SYN3: variants seen among roughly 807,000 people sequenced by gnomAD.
The protein encoded by SYN3 is synapsin III.
A neutral mutation model predicts 65.8 loss-of-function variants in SYN3; 35 were observed. That is an observed-to-expected ratio of 0.53 (90% CI 0.41 to 0.70). SYN3 has a LOEUF of 0.70. SYN3 is among the 30% of genes least tolerant of loss of function. SYN3 has a pLI of 0.00. For synonymous variants in SYN3, 270 were observed against 292.9 expected (o/e 0.92, Z 0.80); for missense variants, 680 against 749.0 (o/e 0.91, Z 1.08).
At chr22:32,758,522 G>A (rs1377841911) in intron 6 of SYN3, among the ~76,000 whole-genome samples, 1 of 150,322 alleles carries the variant, frequency 6.7e-6, no homozygotes, top group Non-Finnish European at 1.5e-5. Context: ...TAGCCTCCCA[G>A]CCTACATCTT....
chr22:32,727,862 T>C (rs1023270350), intron 6 of SYN3, among the ~76,000 whole-genome samples: 1 of 152,220 alleles, frequency 6.6e-6, no homozygotes, highest in Admixed American at 6.5e-5. Flanking sequence ...AAGTATCTTA[T>C]AAATACTAGA....
intron 4 of SYN3, among the ~76,000 whole-genome samples, chr22:32,889,719 A>T (rs2049390799): frequency 6.6e-6 from 1 of 152,106 alleles, no homozygotes; most frequent in Non-Finnish European, 1.5e-5. Context: ...ATAAACTTTT[A>T]GATCTTTTTA....
chr22:33,034,467 T>C (rs2053816323), intron 1 of SYN3, among the ~76,000 whole-genome samples: 1 of 151,898 alleles, frequency 6.6e-6, no homozygotes, highest in East Asian at 2.0e-4. Context: ...AGGTTGGTCT[T>C]AAACTCCTGA....
rs202198841 is a variant in SYN3 at position 32,596,647 on chromosome 22, T to G, written c.774+27A>C. The G allele has an allele frequency of 3.8e-3, 6,152 of 1,612,902 alleles. 17 individuals carry two copies. The highest frequency in any genetic ancestry group is 0.01 in the Middle Eastern group (61 of 5,996). ...CTGGGGAATCTCTGGGTGTGTCCAC[T>G]GTGAGTGGAAGGGCTGTTTCTCATA... On this transcript the variant is annotated intron_variant, in intron 7 of 13. Transcript: ENST00000358763.
intron 4 of SYN3, among the ~76,000 whole-genome samples, chr22:32,905,835 C>G (rs1415504200): frequency 6.6e-6 from 1 of 152,218 alleles, no homozygotes; most frequent in African/African-American, 2.4e-5. Context: ...ACTGGCACCC[C>G]CTCTAAGGGT....
intron 6 of SYN3, among the ~76,000 whole-genome samples, chr22:32,646,523 G>A (rs1014008834): frequency 3.3e-5 from 5 of 152,150 alleles, no homozygotes; most frequent in African/African-American, 4.8e-5. Context: ...TTAAACATCC[G>A]GCTAGCGCTT....
At chr22:32,973,892 G>A (rs990250038) in intron 3 of SYN3, among the ~76,000 whole-genome samples, 4 of 152,202 alleles carry the variant, frequency 2.6e-5, no homozygotes, top group South Asian at 2.1e-4. Context: ...GGGTTCAAGC[G>A]ATTCTCCTGC....
At chr22:32,575,054 C>T (rs1254779953) in intron 7 of SYN3, among the ~76,000 whole-genome samples, 2 of 152,186 alleles carry the variant, frequency 1.3e-5, no homozygotes, top group Admixed American at 6.5e-5. Flanking sequence ...CCTCTTTTGA[C>T]CTAAGCGGGT....
At chr22:32,810,628 C>T (rs1055624492) in intron 6 of SYN3, among the ~76,000 whole-genome samples, 1 of 152,128 alleles carries the variant, frequency 6.6e-6, no homozygotes. Flanking sequence ...GTAATTATCC[C>T]CTCTGCCTCT....
At chr22:32,540,824 G>A (rs1271245623) in intron 8 of SYN3, among the ~76,000 whole-genome samples, 2 of 152,148 alleles carry the variant, frequency 1.3e-5, no homozygotes, top group Non-Finnish European at 2.9e-5. Flanking sequence ...GGACTAATCA[G>A]TACTTTTTCC....
intron 6 of SYN3, among the ~76,000 whole-genome samples, chr22:32,761,097 G>C (rs1203507071): frequency 6.6e-6 from 1 of 152,198 alleles, no homozygotes; most frequent in African/African-American, 2.4e-5. Flanking sequence ...AGGGCTGGGA[G>C]GTGGAGAGTT....
At chr22:32,532,194 C>T (rs542018973) in intron 10 of SYN3, among the ~76,000 whole-genome samples, 5 of 152,398 alleles carry the variant, frequency 3.3e-5, no homozygotes, top group Admixed American at 6.5e-5. Context: ...CCTGGAGCAG[C>T]GGCTCAGTGA....
At chr22:33,036,678 C>CTTTTTTTTT (rs133977) in intron 1 of SYN3, among the ~76,000 whole-genome samples, 3 of 99,538 alleles carry the variant, frequency 3.0e-5, no homozygotes, top group African/African-American at 1.4e-4. Context: ...AGCCCAAGTT[C>CTTTTTTTTT]TTTTTTTTTT....
chr22:32,621,883 T>C (rs9609603), intron 6 of SYN3, among the ~76,000 whole-genome samples: 68,499 of 151,808 alleles, frequency 0.45, 16,847 homozygotes, highest in African/African-American at 0.65. Flanking sequence ...GCAGGCCTCC[T>C]GACTCAGATC....
chr22:32,598,927 AT>A (rs1248819233), intron 6 of SYN3, among the ~76,000 whole-genome samples: 3 of 152,184 alleles, frequency 2.0e-5, no homozygotes, highest in Non-Finnish European at 4.4e-5. Context: ...ACTTTGCAAA[AT>A]ATGATAAGAT....
intron 6 of SYN3, among the ~76,000 whole-genome samples, chr22:32,647,022 T>C (rs1439980049): frequency 6.6e-6 from 1 of 152,204 alleles, no homozygotes; most frequent in Non-Finnish European, 1.5e-5. Flanking sequence ...TCTCTTGAAC[T>C]TGAGTCAGCT....
intron 7 of SYN3, among the ~76,000 whole-genome samples, chr22:32,551,636 T>C (rs2058416836): frequency 6.6e-6 from 1 of 152,072 alleles, no homozygotes; most frequent in African/African-American, 2.4e-5. Flanking sequence ...ACACATCAAT[T>C]AACAGGAGGC....
At chr22:32,951,444 C>T (rs1282219426) in intron 3 of SYN3, among the ~76,000 whole-genome samples, 5 of 152,194 alleles carry the variant, frequency 3.3e-5, no homozygotes, top group African/African-American at 4.8e-5. Flanking sequence ...TAAAGATTTA[C>T]GTCCATCTCA....
At chr22:32,924,256 C>T (rs903820780) in intron 4 of SYN3, among the ~76,000 whole-genome samples, 7 of 152,182 alleles carry the variant, frequency 4.6e-5, no homozygotes, top group Admixed American at 3.3e-4. Context: ...CTGATTCCCC[C>T]CACTGAAGGA....
Sources: allele counts gnomAD v4.1 joint callset (sites outside exome capture counted in the v4.1 genomes callset), GRCh38; gene constraint gnomAD v4.1.1; transcripts MANE v1.5; gene names NCBI Gene and HGNC (gene_info 2026-07-23, HGNC 2026-07-21).